Variants in CDH4 observed in about 807,000 individuals in gnomAD.
CDH4 encodes the protein cadherin 4, also known as cadherin-4.
A neutral mutation model predicts 86.0 loss-of-function variants in CDH4; 33 were observed. That is an observed-to-expected ratio of 0.38 (90% CI 0.29 to 0.51). The LOEUF (loss-of-function observed/expected upper bound fraction) is 0.51. Among genes scored for constraint, CDH4 ranks in the 20% least tolerant of loss-of-function variants. CDH4 has a pLI of 0.86. For synonymous variants in CDH4, 555 were observed against 549.4 expected, an observed-to-expected ratio of 1.01 and a Z score of -0.14; for missense variants, 1,114 against 1,307.4, an observed-to-expected ratio of 0.85 and a Z score of 2.28.
At chr20:61,498,322 G>A (rs1600713403) in intron 2 of CDH4, among the ~76,000 whole-genome samples, 1 of 152,242 alleles carries the variant, frequency 6.6e-6, no homozygotes. Flanking sequence ...AATTGAAAAA[G>A]GAGTTTCAGA....
chr20:61,418,864 G>A (rs1004175761), intron 2 of CDH4, among the ~76,000 whole-genome samples: 2 of 152,034 alleles, frequency 1.3e-5, no homozygotes. Flanking sequence ...TCCCTCTCCC[G>A]GCTTCTGGTG....
intron 2 of CDH4, among the ~76,000 whole-genome samples, chr20:61,289,262 C>T (rs6071569): frequency 0.74 from 111,795 of 152,076 alleles, 41,283 homozygotes; most frequent in South Asian, 0.83. Flanking sequence ...GCTGTCAGCA[C>T]GCTCCCTCAG....
At chr20:61,693,726 C>A (rs1261598447) in intron 2 of CDH4, among the ~76,000 whole-genome samples, 1 of 152,182 alleles carries the variant, frequency 6.6e-6, no homozygotes, top group Non-Finnish European at 1.5e-5. Context: ...GCACCTAGAG[C>A]CCAACAACAG....
chr20:61,830,482 G>A (rs1452570635), intron 4 of CDH4, among the ~76,000 whole-genome samples: 1 of 151,818 alleles, frequency 6.6e-6, no homozygotes, highest in East Asian at 2.0e-4. Flanking sequence ...ACCTCCCAAG[G>A]CCCCCCAGGA....
At chr20:61,556,640 A>T (rs765646086) in intron 2 of CDH4, among the ~76,000 whole-genome samples, 1 of 152,210 alleles carries the variant, frequency 6.6e-6, no homozygotes, top group Non-Finnish European at 1.5e-5. Flanking sequence ...ACCTGACGAC[A>T]TGCAGTCTGC....
intron 2 of CDH4, among the ~76,000 whole-genome samples, chr20:61,616,450 C>T (rs1435427688): frequency 3.3e-5 from 5 of 152,208 alleles, no homozygotes; most frequent in Admixed American, 3.3e-4. Context: ...CCACAGGAAA[C>T]AGCAGCCCAC....
chr20:61,857,428 A>G (rs950789052), intron 6 of CDH4, among the ~76,000 whole-genome samples: 5 of 152,228 alleles, frequency 3.3e-5, no homozygotes, highest in African/African-American at 9.6e-5. Context: ...CAAGTTCCCC[A>G]GAAAGTGGAA....
intron 2 of CDH4, among the ~76,000 whole-genome samples, chr20:61,492,406 G>A: frequency 6.6e-6 from 1 of 150,626 alleles, no homozygotes; most frequent in South Asian, 2.1e-4. Context: ...GGTGTTGATG[G>A]TGGTGGTATT....
chr20:61,858,315 G>GTGTC (rs557378954), intron 6 of CDH4, among the ~76,000 whole-genome samples: 151 of 146,402 alleles, frequency 1.0e-3, no homozygotes, highest in African/African-American at 3.3e-3. Flanking sequence ...GTCTGTATGT[G>GTGTC]TGTCTGTGTC....
At chr20:61,554,979 C>T (rs1293713586) in intron 2 of CDH4, among the ~76,000 whole-genome samples, 1 of 152,214 alleles carries the variant, frequency 6.6e-6, no homozygotes, top group Non-Finnish European at 1.5e-5. Flanking sequence ...GTTTACATGG[C>T]AAATATATGT....
chr20:61,594,257 G>T (rs570045341), intron 2 of CDH4, among the ~76,000 whole-genome samples: 4 of 127,696 alleles, frequency 3.1e-5, no homozygotes, highest in Non-Finnish European at 5.0e-5. Context: ...GGAAGAGGGT[G>T]GGGGGGAAGA....
chr20:61,321,140 CGA>C (rs2084506142), intron 2 of CDH4, among the ~76,000 whole-genome samples: 1 of 152,164 alleles, frequency 6.6e-6, no homozygotes, highest in Non-Finnish European at 1.5e-5. Context: ...AGAGCGCATG[CGA>C]GAGAGAGGAA....
At chr20:61,633,381 C>T (rs978471284) in intron 2 of CDH4, among the ~76,000 whole-genome samples, 1 of 152,026 alleles carries the variant, frequency 6.6e-6, no homozygotes, top group Admixed American at 6.5e-5. Context: ...ATCTATTCAT[C>T]TATTCATCCA....
intron 2 of CDH4, among the ~76,000 whole-genome samples, chr20:61,347,455 G>T (rs527897705): frequency 2.6e-4 from 40 of 152,302 alleles, no homozygotes; most frequent in African/African-American, 9.4e-4. Context: ...AAAAGAAAGA[G>T]AAAAAATGTA....
intron 2 of CDH4, among the ~76,000 whole-genome samples, chr20:61,363,500 C>G (rs1476979903): frequency 6.6e-6 from 1 of 151,056 alleles, no homozygotes; most frequent in African/African-American, 2.4e-5. Flanking sequence ...ACACACACAC[C>G]TATGACAAAT....
chr20:61,359,554 C>T (rs779416827), intron 2 of CDH4, among the ~76,000 whole-genome samples: 3 of 152,248 alleles, frequency 2.0e-5, no homozygotes, highest in Non-Finnish European at 2.9e-5. Flanking sequence ...CTGTGTCCCA[C>T]AAAGTGATAC....
intron 9 of CDH4, among the ~76,000 whole-genome samples, chr20:61,918,640 A>T (rs2054931554): frequency 6.6e-6 from 1 of 151,970 alleles, no homozygotes; most frequent in Non-Finnish European, 1.5e-5. Flanking sequence ...GGACAAGGAG[A>T]CCACCCCTGG....
chr20:61,278,024 G>A (rs1240364433), intron 2 of CDH4, among the ~76,000 whole-genome samples: 1 of 152,198 alleles, frequency 6.6e-6, no homozygotes, highest in Non-Finnish European at 1.5e-5. Context: ...AAGCACGTCT[G>A]TTGCCATTTG....
chr20:61,377,021 G>A lies in CDH4; in HGVS notation c.169+122084G>A, dbSNP rs1328480602. Among the ~76,000 whole-genome samples, 2 of 152,216 alleles carry A rather than the reference G, an allele frequency of 1.3e-5. No homozygotes were observed. Among genetic ancestry groups the A allele is most frequent in the Admixed American group, 1.3e-4 (2 of 15,282 alleles). ...CAGTGAGCGCTAGTTAGGCAAGCTG[G>A]AAAGCTGTAGGATGATCAAAATATG... is the stretch of plus-strand genomic sequence containing the variant. On this transcript the variant is annotated intron_variant, in intron 2 of 15. Transcript: ENST00000614565. This position sits in a 1 kb window ranked among gnomAD's most constrained non-coding sequence, Gnocchi z 4.0.
Sources: gnomAD v4.1 joint callset for allele counts (sites outside exome capture counted in the v4.1 genomes callset) on GRCh38, gnomAD v4.1.1 for gene constraint, Gnocchi (gnomAD v3.1) non-coding constraint, MANE v1.5 for transcripts, NCBI Gene and HGNC (gene_info 2026-07-23, HGNC 2026-07-21) for gene names.